Variants in PTPRN2 observed in about 807,000 individuals in gnomAD.
PTPRN2 encodes the protein protein tyrosine phosphatase receptor type N2.
Under a neutral mutation model 118.8 loss-of-function variants are expected in PTPRN2, and 74 were observed. That is an observed-to-expected ratio of 0.62 (90% CI 0.52 to 0.76). PTPRN2 has a LOEUF of 0.76. Ranked by LOEUF, PTPRN2 falls within the 30% of genes least tolerant of loss-of-function variation. PTPRN2 has a pLI of 0.00. For synonymous variants in PTPRN2, 641 were observed against 608.0 expected (o/e 1.05, Z -0.80); for missense variants, 1,481 against 1,394.4 (o/e 1.06, Z -0.99).
intron 17 of PTPRN2, among the ~76,000 whole-genome samples, chr7:157,592,012 C>A (rs1014360843): frequency 6.6e-6 from 1 of 152,164 alleles, no homozygotes; most frequent in African/African-American, 2.4e-5. Context: ...GAGCTCTTGT[C>A]TTAGAAAAGC....
rs147752795 is a variant in PTPRN2 at position 157,892,545 on chromosome 7, A to G, written c.1788+6128T>C. ...AATTCCACTATCTGTCATCACTTGCATTAAACGCAAGCGCAGGGGAGAGAT... is the reference window on the plus strand; with the variant it reads ...AATTCCACTATCTGTCATCACTTGCGTTAAACGCAAGCGCAGGGGAGAGAT... On this transcript the variant is annotated intron_variant, in intron 12 of 22. Transcript: ENST00000389418. Among the ~76,000 whole-genome samples the G allele has an allele frequency of 2.6e-3, 395 of 152,266 alleles. 4 individuals carry two copies. Among genetic ancestry groups the G allele is most frequent in the African/African-American group, 8.7e-3 (362 of 41,550 alleles).
chr7:158,424,233 G>A (rs921352629), intron 2 of PTPRN2, among the ~76,000 whole-genome samples: 2 of 152,162 alleles, frequency 1.3e-5, no homozygotes, highest in African/African-American at 4.8e-5. Context: ...TTCTGTTTTC[G>A]GTGCGGCCCG....
chr7:158,220,785 A>G (rs1828298734), intron 3 of PTPRN2, among the ~76,000 whole-genome samples: 1 of 151,994 alleles, frequency 6.6e-6, no homozygotes, highest in Non-Finnish European at 1.5e-5. Flanking sequence ...ACATTACCCA[A>G]AGCAATTTAC....
intron 12 of PTPRN2, among the ~76,000 whole-genome samples, chr7:157,789,082 A>G (rs922882553): frequency 6.6e-6 from 1 of 152,244 alleles, no homozygotes; most frequent in African/African-American, 2.4e-5. Context: ...AGAGCGTCAC[A>G]AAAATTCTAG....
rs979619237 is a variant in PTPRN2 at position 158,015,473 on chromosome 7, A to AAGAGAGGG, written c.1723+65817_1723+65824dup. ...GGGTGGTGAGAGAGAGAGAGAGAGG[A>AAGAGAGGG]AGAGAGGGAGAGAGGGAGAGAGGGA... On this transcript the variant is annotated intron_variant, in intron 11 of 22. Coordinates refer to ENST00000389418, the MANE Select transcript of PTPRN2 (RefSeq NM_002847.5). The surrounding 1 kb of genome is among the most constrained non-coding windows in gnomAD (Gnocchi z 4.2). Among the ~76,000 whole-genome samples the AAGAGAGGG allele has an allele frequency of 2.8e-5, 4 of 140,392 alleles. No homozygotes were observed. Among genetic ancestry groups the AAGAGAGGG allele is most frequent in the Non-Finnish European group, 6.3e-5 (4 of 63,666 alleles). The allele number at this position is 140,392 out of a possible 152,430, so 92.1% of individuals were successfully genotyped here. A position where few individuals can be genotyped will look rare whatever the true frequency, so the allele number is the denominator to read the frequency against.
At chr7:157,688,625 G>A (rs1563346880) in intron 12 of PTPRN2, among the ~76,000 whole-genome samples, 1 of 152,184 alleles carries the variant, frequency 6.6e-6, no homozygotes, top group Non-Finnish European at 1.5e-5. Context: ...TTCTCGGGAC[G>A]GGGCCTGGCC....
chr7:158,150,912 G>A (rs1183073219), intron 6 of PTPRN2, among the ~76,000 whole-genome samples: 2 of 151,542 alleles, frequency 1.3e-5, no homozygotes, highest in South Asian at 2.1e-4. Context: ...GCAGCAAATG[G>A]GCCCCACACA....
At chr7:157,682,524 C>T (rs190053687) in intron 13 of PTPRN2, among the ~76,000 whole-genome samples, 28 of 152,248 alleles carry the variant, frequency 1.8e-4, no homozygotes, top group African/African-American at 6.3e-4. Flanking sequence ...GAAGAGCAGA[C>T]GGATACAGAG....
chr7:158,455,022 A>G (rs1476130504), intron 2 of PTPRN2, among the ~76,000 whole-genome samples: 1 of 152,216 alleles, frequency 6.6e-6, no homozygotes, highest in Admixed American at 6.5e-5. Flanking sequence ...CAAGCACAGA[A>G]CCCACTTCAG....
intron 3 of PTPRN2, among the ~76,000 whole-genome samples, chr7:158,283,303 C>G (rs1178373401): frequency 6.6e-6 from 1 of 152,212 alleles, no homozygotes; most frequent in Non-Finnish European, 1.5e-5. Flanking sequence ...GGCAGCTCCC[C>G]AGACCCCCAA....
chr7:157,730,505 G>A (rs1308497008), intron 12 of PTPRN2, among the ~76,000 whole-genome samples: 1 of 152,156 alleles, frequency 6.6e-6, no homozygotes, highest in Non-Finnish European at 1.5e-5. Context: ...GGGTGACAGC[G>A]GTTGCCCTCC....
Position 157,964,333 on chromosome 7 carries a change from C to T in PTPRN2, c.1724-65596G>A, listed in dbSNP as rs1801755551. Reference sequence around the variant, plus strand: ...GTAGAGATGTGGAAGCTGGACCCCACCCCCCAGGCTAATTCATCAGCAAGA... The same window carrying T: ...GTAGAGATGTGGAAGCTGGACCCCATCCCCCAGGCTAATTCATCAGCAAGA... On this transcript the variant is annotated intron_variant, in intron 11 of 22. Coordinates refer to ENST00000389418, the MANE Select transcript of PTPRN2 (RefSeq NM_002847.5). This position sits in a 1 kb window ranked among gnomAD's most constrained non-coding sequence, Gnocchi z 9.0. Among the ~76,000 whole-genome samples the T allele has an allele frequency of 6.6e-6, 1 of 152,042 alleles. No individual in the cohort carries two copies.
rs113790344 is a variant in PTPRN2, at chr7:158,457,540, A to G, written c.163+32195T>C. ...GGGCGAGCCTGGCCTGGGGGGAGTCACAGTAAAGCCACCGTCAAAACTCCT... is the reference window on the plus strand; with the variant it reads ...GGGCGAGCCTGGCCTGGGGGGAGTCGCAGTAAAGCCACCGTCAAAACTCCT... On this transcript the variant is annotated intron_variant, in intron 2 of 22. Transcript: ENST00000389418. Among the ~76,000 whole-genome samples, 245 of 115,580 alleles carry G rather than the reference A, an allele frequency of 2.1e-3. 1 individual carries two copies. The highest frequency in any genetic ancestry group is 0.013 in the Middle Eastern group (2 of 152). The allele number at this position is 115,580 out of a possible 152,430, so 75.8% of individuals were successfully genotyped here.
At chr7:158,441,061 G>GGTAGTGAT (rs1554503215) in intron 2 of PTPRN2, among the ~76,000 whole-genome samples, 1 of 51,974 alleles carries the variant, frequency 1.9e-5, no homozygotes, top group Admixed American at 2.4e-4. Context: ...GTAGTGATGG[G>GGTAGTGAT]GGTGGTAGTG....
At chr7:157,606,136 C>T (rs531377232) in intron 15 of PTPRN2, among the ~76,000 whole-genome samples, 90 of 152,356 alleles carry the variant, frequency 5.9e-4, no homozygotes, top group African/African-American at 2.1e-3. Flanking sequence ...TCAGCACTGC[C>T]CAGAGTGTCA....
chr7:158,133,664 G>A lies in PTPRN2; in HGVS notation c.1556+13C>T. ...CCTCGGCACACAGGAGCTTAGCCAG[G>A]GCTGCTACTCACTCTCTGTCTGTCA... is the stretch of plus-strand genomic sequence containing the variant. On this transcript the variant is annotated intron_variant, in intron 9 of 22. Coordinates refer to ENST00000389418, the MANE Select transcript of PTPRN2 (RefSeq NM_002847.5). The A allele has an allele frequency of 6.4e-7, 1 of 1,553,908 alleles. No homozygotes were observed. The highest frequency in any genetic ancestry group is 8.7e-7 in the Non-Finnish European group (1 of 1,152,314).
At chr7:158,034,751 C>G (rs981749621) in intron 11 of PTPRN2, among the ~76,000 whole-genome samples, 1 of 152,234 alleles carries the variant, frequency 6.6e-6, no homozygotes, top group Non-Finnish European at 1.5e-5. Flanking sequence ...GTCCCCCAAA[C>G]ACAACAGGGC....
intron 2 of PTPRN2, among the ~76,000 whole-genome samples, chr7:158,371,807 C>G (rs1810017087): frequency 6.6e-6 from 1 of 152,192 alleles, no homozygotes; most frequent in African/African-American, 2.4e-5. Context: ...TTAAATTACA[C>G]CACATTAAAG....
At chr7:157,594,448 C>T (rs1434254114) in intron 17 of PTPRN2, among the ~76,000 whole-genome samples, 2 of 152,188 alleles carry the variant, frequency 1.3e-5, no homozygotes, top group Non-Finnish European at 1.5e-5. Context: ...GCAGCCTGAT[C>T]CCAGCGTCAC....
Sources: allele counts gnomAD v4.1 joint callset (sites outside exome capture counted in the v4.1 genomes callset), GRCh38; gene constraint gnomAD v4.1.1; non-coding constraint Gnocchi (gnomAD v3.1); transcripts MANE v1.5; gene names NCBI Gene and HGNC (gene_info 2026-07-23, HGNC 2026-07-21).